The following DPP10 variants were observed in gnomAD, a reference collection of about 807,000 sequenced individuals.
DPP10 encodes dipeptidyl peptidase like 10.
In DPP10, 33 loss-of-function variants were observed where a neutral mutation model predicts 120.9. That is an observed-to-expected ratio of 0.27 (90% CI 0.21 to 0.37). The LOEUF is 0.37. DPP10 is among the 10% of genes least tolerant of loss of function. The probability of loss-of-function intolerance (pLI) is 1.00; values close to 1 mark genes in which losing one functional copy is unlikely to be tolerated. For missense variants in DPP10, 816 were observed against 942.8 expected, an observed-to-expected ratio of 0.87 and a Z score of 1.76; for synonymous variants, 337 against 326.1, an observed-to-expected ratio of 1.03 and a Z score of -0.36.
chr2:114,445,540 G>C (rs1677892151), intron 1 of DPP10, among the ~76,000 whole-genome samples: 1 of 36,320 alleles, frequency 2.8e-5, no homozygotes, highest in African/African-American at 1.3e-4. Context: ...AGCTCTGTGT[G>C]TGTGTGTGTG....
At chr2:114,502,715 C>T (rs1448642897) in intron 1 of DPP10, among the ~76,000 whole-genome samples, 1 of 152,134 alleles carries the variant, frequency 6.6e-6, no homozygotes, top group East Asian at 1.9e-4. Flanking sequence ...TGTGGTAGTA[C>T]CTAGTAAGTA....
chr2:114,668,428 A>G (rs1197856084), intron 1 of DPP10, among the ~76,000 whole-genome samples: 1 of 152,146 alleles, frequency 6.6e-6, no homozygotes, highest in African/African-American at 2.4e-5. Context: ...GCCTGCCTAC[A>G]TTTGGGAGGA....
intron 10 of DPP10, among the ~76,000 whole-genome samples, chr2:115,747,534 C>A (rs1016595736): frequency 6.6e-6 from 1 of 151,500 alleles, no homozygotes; most frequent in African/African-American, 2.4e-5. Flanking sequence ...ATGTCTACCA[C>A]CATTTCATTT....
rs534583296 is a variant in DPP10 at position 114,506,728 on chromosome 2, G to T, written c.60+63890G>T. Among the ~76,000 whole-genome samples, 57 of 152,262 alleles carry T rather than the reference G, an allele frequency of 3.7e-4. 1 individual carries two copies. In the South Asian group the frequency reaches 5.2e-3, roughly 14 times the overall value. On this transcript the variant is annotated intron_variant, in intron 1 of 25. Coordinates refer to ENST00000410059, the MANE Select transcript of DPP10 (RefSeq NM_020868.6). ...CCCACAAAAGGTGGAACACAACTGG[G>T]CCAAGCAAGTGGAGTCTGACCCTGC...
In DPP10 at chr2:115,836,142, A is replaced by ATATT. The variant is rs1689492207; in HGVS notation, c.1951-14_1951-13insATTT. 1.6e-6 allele frequency: 2 copies of ATATT among 1,255,334 alleles called. No homozygotes were observed. The highest frequency in any genetic ancestry group is 2.6e-5 in the Admixed American group (1 of 38,580). 77.8% of individuals were successfully genotyped at this position (1,255,334 alleles called of 1,614,324 possible). ...GAGATATATATATATATATATATAT[A>ATATT]TTTTTCCCCCCCAGGGTTATGGTGG... is the stretch of plus-strand genomic sequence containing the variant. On this transcript the variant is annotated splice_polypyrimidine_tract_variant and intron_variant, in intron 21 of 25. Transcript: ENST00000410059.
chr2:115,607,354 A>C (rs75626885), intron 5 of DPP10, among the ~76,000 whole-genome samples: 11,548 of 152,278 alleles, frequency 0.076, 446 homozygotes, highest in South Asian at 0.12. Flanking sequence ...ATAAAAGCCC[A>C]CATTTAGTAA....
intron 1 of DPP10, among the ~76,000 whole-genome samples, chr2:114,477,709 GTA>G (rs567750292): frequency 2.6e-4 from 29 of 110,312 alleles, no homozygotes; most frequent in African/African-American, 4.6e-4. Flanking sequence ...ATGTGTGTGT[GTA>G]TATATATATA....
At chr2:114,627,984 G>T (rs1694639690) in intron 1 of DPP10, among the ~76,000 whole-genome samples, 1 of 152,064 alleles carries the variant, frequency 6.6e-6, no homozygotes, top group Admixed American at 6.6e-5. Context: ...ATGATGTCTT[G>T]GTTGGTTGGA....
chr2:114,592,979 T>G (rs1691588508), intron 1 of DPP10, among the ~76,000 whole-genome samples: 1 of 152,184 alleles, frequency 6.6e-6, no homozygotes, highest in African/African-American at 2.4e-5. Flanking sequence ...AGAATTTCAT[T>G]TGTGTTCTAC....
In DPP10 at chr2:114,547,611, A is replaced by G. The variant is rs1470890982; in HGVS notation, c.60+104773A>G. On this transcript the variant is annotated intron_variant, in intron 1 of 25. Coordinates refer to ENST00000410059, the MANE Select transcript of DPP10 (RefSeq NM_020868.6). ...AGAGTAATGGTTCAAGCAGAAAAGC[A>G]CCCTAAGATATGCCTGTGTGTATGT... Among the ~76,000 whole-genome samples, 14 of 152,288 alleles carry G rather than the reference A, an allele frequency of 9.2e-5. No individual in the cohort carries two copies. In the East Asian group the frequency reaches 2.5e-3, roughly 27 times the overall value.
intron 1 of DPP10, chr2:115,162,015 A>G: frequency 1.4e-6 from 2 of 1,385,576 alleles, no homozygotes; most frequent in Non-Finnish European, 1.9e-6. Flanking sequence ...AGCCAGGCGC[A>G]GCCGGCGGAC....
At chr2:114,519,218 G>A (rs1394639882) in intron 1 of DPP10, among the ~76,000 whole-genome samples, 1 of 152,152 alleles carries the variant, frequency 6.6e-6, no homozygotes, top group Non-Finnish European at 1.5e-5. Flanking sequence ...CTACCTTTAG[G>A]AGGTTCCTTG....
chr2:115,314,216 G>A (rs1249028142), intron 2 of DPP10, among the ~76,000 whole-genome samples: 1 of 152,156 alleles, frequency 6.6e-6, no homozygotes, highest in African/African-American at 2.4e-5. Context: ...TAATCCATCT[G>A]CCATACTGAA....
chr2:114,680,636 A>C (rs1698967977), intron 1 of DPP10, among the ~76,000 whole-genome samples: 1 of 152,046 alleles, frequency 6.6e-6, no homozygotes, highest in Admixed American at 6.6e-5. Flanking sequence ...ATAGTGAAAT[A>C]ATTCTTCATA....
At chr2:114,561,114 G>A (rs1284253277) in intron 1 of DPP10, among the ~76,000 whole-genome samples, 1 of 152,028 alleles carries the variant, frequency 6.6e-6, no homozygotes, top group Non-Finnish European at 1.5e-5. Context: ...CCTTTAGTTT[G>A]GAATATTTCC....
At chr2:115,029,457 T>G (rs1462915270) in intron 1 of DPP10, among the ~76,000 whole-genome samples, 1 of 131,358 alleles carries the variant, frequency 7.6e-6, no homozygotes, top group African/African-American at 2.8e-5. Context: ...CACATTAGCG[T>G]TTTTTTTTTT....
intron 1 of DPP10, among the ~76,000 whole-genome samples, chr2:115,141,186 T>C (rs2050908756): frequency 1.3e-5 from 2 of 152,220 alleles, no homozygotes; most frequent in South Asian, 4.1e-4. Flanking sequence ...TTGGAAAAGT[T>C]CCTTAATTAA....
chr2:114,819,912 T>C (rs753693977), intron 1 of DPP10, among the ~76,000 whole-genome samples: 3 of 152,192 alleles, frequency 2.0e-5, no homozygotes, highest in Non-Finnish European at 2.9e-5. Context: ...TACGGCCATT[T>C]TGGGTCTTTA....
At chr2:115,074,125 C>CCT (rs1707596125) in intron 1 of DPP10, among the ~76,000 whole-genome samples, 1 of 152,102 alleles carries the variant, frequency 6.6e-6, no homozygotes, top group Non-Finnish European at 1.5e-5. Context: ...GATCCTCCTG[C>CCT]CTTAGCTTCC....
Sources: allele counts gnomAD v4.1 joint callset (sites outside exome capture counted in the v4.1 genomes callset), GRCh38; gene constraint gnomAD v4.1.1; transcripts MANE v1.5; gene names NCBI Gene and HGNC (gene_info 2026-07-23, HGNC 2026-07-21).